SAMHD1: variants seen among roughly 807,000 people sequenced by gnomAD.
The protein encoded by SAMHD1 is SAM and HD domain containing deoxynucleoside triphosphate triphosphohydrolase 1.
SAMHD1 carries 54 observed loss-of-function variants against 79.6 expected under a neutral mutation model. The ratio of observed to expected loss-of-function variants is 0.68; its 90% CI spans 0.55 to 0.85. SAMHD1 has a LOEUF of 0.85. SAMHD1 is among the 40% of genes least tolerant of loss of function. The pLI is 0.00. For synonymous variants in SAMHD1, 260 were observed against 264.1 expected (o/e 0.98, Z 0.15); for missense variants, 663 against 782.7 (o/e 0.85, Z 1.82).
chr20:36,904,351 G>A (rs970864993), intron 12 of SAMHD1, 102 bp from the exon 13 acceptor site: 46 of 801,362 alleles, frequency 5.7e-5, no homozygotes, highest in Middle Eastern at 4.5e-4. Flanking sequence ...TAAGAAAAAC[G>A]ATTAGAGATA....
At chr20:36,927,122 CTAAA>C in intron 6 of SAMHD1, 56 bp downstream of exon 6, 1 of 1,441,940 alleles carries the variant, frequency 6.9e-7, no homozygotes. Flanking sequence ...GATAAATTAA[CTAAA>C]TAACCTGCTT....
At chr20:36,934,396 C>A (rs904525246) in intron 4 of SAMHD1, among the ~76,000 whole-genome samples, 1 of 150,650 alleles carries the variant, frequency 6.6e-6, no homozygotes, top group Non-Finnish European at 1.5e-5. Context: ...TGGTGGTGGG[C>A]GCCTGTAATC....
At chr20:36,921,100 CAACA>C (rs1305533577) in intron 6 of SAMHD1, among the ~76,000 whole-genome samples, 3 of 151,676 alleles carry the variant, frequency 2.0e-5, no homozygotes, top group Non-Finnish European at 2.9e-5. Flanking sequence ...ACAACAACAA[CAACA>C]AACAAATTGG....
chr20:36,898,893 A>C (rs1376665661), intron 13 of SAMHD1, among the ~76,000 whole-genome samples: 1 of 144,486 alleles, frequency 6.9e-6, no homozygotes, highest in Non-Finnish European at 1.5e-5. Flanking sequence ...GCCTGGCGAC[A>C]GAGTGAGACT....
chr20:36,934,024 C>T (rs6130144), intron 4 of SAMHD1, among the ~76,000 whole-genome samples: 121,752 of 150,526 alleles, frequency 0.81, 49,370 homozygotes, highest in East Asian at 0.97. Context: ...CCAGCCTGGG[C>T]GACGGAGTGA....
At position 36,932,546 on chromosome 20, in the gene SAMHD1, T is replaced by C. The variant is rs184889536; in HGVS notation, c.510-1671A>G. Among the ~76,000 whole-genome samples, 260 of 141,232 alleles carry C rather than the reference T, an allele frequency of 1.8e-3. 4 individuals are homozygous for C. Among genetic ancestry groups the C allele is most frequent in the African/African-American group, 6.5e-3 (241 of 37,334 alleles). The allele number at this position is 141,232 out of a possible 152,430, so 92.7% of individuals were successfully genotyped here. On this transcript the variant is annotated intron_variant, in intron 4 of 15. Coordinates refer to ENST00000646673, the MANE Select transcript of SAMHD1 (RefSeq NM_015474.4). ...TCTCAGCTCACTGCAACCTCAGGAGTAGCTGGGATTACAGGTACACTCCAC... is the reference window on the plus strand; with the variant it reads ...TCTCAGCTCACTGCAACCTCAGGAGCAGCTGGGATTACAGGTACACTCCAC...
chr20:36,903,924 T>C, intron 13 of SAMHD1: 1 of 416,120 alleles, frequency 2.4e-6, no homozygotes, highest in African/African-American at 2.0e-5. Context: ...TAATTAAAAA[T>C]TTTTAATTAA....
At chr20:36,925,215 T>C (rs983090379) in intron 6 of SAMHD1, among the ~76,000 whole-genome samples, 4 of 151,646 alleles carry the variant, frequency 2.6e-5, no homozygotes, top group African/African-American at 9.7e-5. Flanking sequence ...AAATAAATTG[T>C]ACACGAGCTA....
chr20:36,905,247 A>T, intron 12 of SAMHD1, 117 bp downstream of exon 12: 1 of 1,144,306 alleles, frequency 8.7e-7, no homozygotes, highest in Non-Finnish European at 1.3e-6. Context: ...TGTGAAGATT[A>T]AATGAGAATA....
chr20:36,915,164 T>G (rs1384045892), intron 9 of SAMHD1, among the ~76,000 whole-genome samples: 1 of 151,766 alleles, frequency 6.6e-6, no homozygotes, highest in Non-Finnish European at 1.5e-5. Flanking sequence ...GGCAACACAG[T>G]GAAACTCCAC....
chr20:36,906,963 TG>T lies in SAMHD1; in HGVS notation c.1271-1461del, dbSNP rs559914885. ...CATGCCACCACACCCAGCTAATTTT[TG>T]TATTTTCAGTAGAGATTGGGTTTCC... is the stretch of plus-strand genomic sequence containing the variant. On this transcript the variant is annotated intron_variant, in intron 11 of 15. Coordinates refer to ENST00000646673, the MANE Select transcript of SAMHD1 (RefSeq NM_015474.4). Among the ~76,000 whole-genome samples, 284 of 151,604 alleles carry T rather than the reference TG, an allele frequency of 1.9e-3. 1 individual carries two copies. The highest frequency in any genetic ancestry group is 6.4e-3 in the African/African-American group (265 of 41,326).
rs755046462 is a variant in SAMHD1 at position 36,916,786 on chromosome 20, C to T, written c.998G>A (p.Arg333His). The change falls in exon 9 of 16, where the codon CGC becomes CAC. Residue 333 changes from arginine to histidine, a missense_variant. By Grantham distance (29) the Arg-to-His change is conservative. Coordinates refer to ENST00000646673, the MANE Select transcript of SAMHD1 (RefSeq NM_015474.4). ...ACAGACACGGGCAAACTTAATAAAG[C>T]GCTTGTAATCAAAATTATTTTGGAT... ...LGIQNNFDYK[R>H]FIKFARVCEV... 6 of 1,613,898 alleles carry T rather than the reference C, an allele frequency of 3.7e-6. No individual in the cohort carries two copies. The highest frequency in any genetic ancestry group is 4.2e-6 in the Non-Finnish European group (5 of 1,179,986).
chr20:36,931,113 C>T, intron 4 of SAMHD1: 1 of 534,928 alleles, frequency 1.9e-6, no homozygotes. Context: ...AGTGAGATAC[C>T]ACTTCACACC....
Position 36,898,444 on chromosome 20 carries a change from T to G in SAMHD1, c.1604A>C (p.Asn535Thr). 6.2e-7 allele frequency: 1 copy of G among 1,610,680 alleles called. No individual in the cohort carries two copies. The highest frequency in any genetic ancestry group is 8.5e-7 in the Non-Finnish European group (1 of 1,176,898). The change falls in exon 14 of 16, where the codon AAC becomes ACC. Residue 535 changes from asparagine (N) to threonine (T), a missense_variant. Coordinates refer to ENST00000646673, the MANE Select transcript of SAMHD1 (RefSeq NM_015474.4). ...TTGTTTTGCCTAAGTAGTTACCTGGTTTTTAGTAATCCTGATTGCTCTGTT... is the reference window on the plus strand; with the variant it reads ...TTGTTTTGCCTAAGTAGTTACCTGGGTTTTAGTAATCCTGATTGCTCTGTT... Reference protein sequence around the residue: ...APNRAIRITKNQVSQLLPEKF... With the variant: ...APNRAIRITKTQVSQLLPEKF...
At chr20:36,897,795 A>G (rs888145527) in intron 15 of SAMHD1, 27 bp downstream of exon 15, 2 of 1,614,134 alleles carry the variant, frequency 1.2e-6, no homozygotes, top group Non-Finnish European at 1.7e-6. Context: ...AAAATTGTGC[A>G]AAGTTTGTGA....
chr20:36,949,719 T>G (rs1418852624), intron 1 of SAMHD1, among the ~76,000 whole-genome samples: 1 of 128,612 alleles, frequency 7.8e-6, no homozygotes, highest in East Asian at 2.4e-4. Flanking sequence ...ATGGCGCCAC[T>G]GCACTCCAGC....
At chr20:36,934,836 G>A in intron 4 of SAMHD1, 193 bp downstream of exon 4, 1 of 522,400 alleles carries the variant, frequency 1.9e-6, no homozygotes, top group Non-Finnish European at 3.5e-6. Flanking sequence ...TTTTGTATTT[G>A]TAGTAAAGAT....
At chr20:36,946,849 T>C (rs1755145126) in intron 1 of SAMHD1, 45 bp from the exon 2 acceptor site, 1 of 1,444,732 alleles carries the variant, frequency 6.9e-7, no homozygotes, top group Admixed American at 1.9e-5. Flanking sequence ...ACATATGCTT[T>C]TCATTTTCTT....
At chr20:36,900,165 A>G (rs1254896831) in intron 13 of SAMHD1, among the ~76,000 whole-genome samples, 5 of 152,224 alleles carry the variant, frequency 3.3e-5, no homozygotes, top group Non-Finnish European at 7.3e-5. Flanking sequence ...AAGATGTTAA[A>G]GAAAAGAAAA....
Sources: gnomAD v4.1 joint callset for allele counts (sites outside exome capture counted in the v4.1 genomes callset) on GRCh38, gnomAD v4.1.1 for gene constraint, MANE v1.5 for transcripts, NCBI Gene and HGNC (gene_info 2026-07-23, HGNC 2026-07-21) for gene names.